SYNDIG1: variants seen among roughly 807,000 people sequenced by gnomAD.
SYNDIG1 encodes the protein synapse differentiation-inducing gene protein 1.
Under a neutral mutation model 19.4 loss-of-function variants are expected in SYNDIG1, and 9 were observed. That is an observed-to-expected ratio of 0.46 (90% CI 0.28 to 0.81). The LOEUF is 0.81. Among genes scored for constraint, SYNDIG1 ranks in the 30% least tolerant of loss-of-function variants. SYNDIG1 has a pLI of 0.12. For missense variants in SYNDIG1, 311 were observed against 343.3 expected (o/e 0.91, Z 0.74); for synonymous variants, 141 against 145.9 (o/e 0.97, Z 0.24).
intron 3 of SYNDIG1, among the ~76,000 whole-genome samples, chr20:24,653,075 T>C (rs909656251): frequency 6.6e-6 from 1 of 152,168 alleles, no homozygotes. Context: ...AAGGGATCAG[T>C]TTCTAGTGGC....
intron 1 of SYNDIG1, among the ~76,000 whole-genome samples, chr20:24,539,760 G>A (rs2057432714): frequency 8.9e-6 from 1 of 112,918 alleles, no homozygotes; most frequent in African/African-American, 3.7e-5. Context: ...TTTTTCAGCA[G>A]TGTTTTGTTT....
chr20:24,488,493 A>G (rs1458969011), intron 1 of SYNDIG1, among the ~76,000 whole-genome samples: 1 of 152,212 alleles, frequency 6.6e-6, no homozygotes, highest in Non-Finnish European at 1.5e-5. Context: ...CAAGCCCCAG[A>G]GTGGGGAGCA....
intron 1 of SYNDIG1, among the ~76,000 whole-genome samples, chr20:24,488,597 T>C (rs2056036869): frequency 6.6e-6 from 1 of 152,168 alleles, no homozygotes; most frequent in South Asian, 2.1e-4. Context: ...AGCCAGAGGG[T>C]GTGGACACCA....
chr20:24,485,955 T>A (rs1435365623), intron 1 of SYNDIG1, among the ~76,000 whole-genome samples: 1 of 152,216 alleles, frequency 6.6e-6, no homozygotes, highest in Non-Finnish European at 1.5e-5. Flanking sequence ...AAGCTTTGTC[T>A]CGTGGCCACC....
At chr20:24,481,912 G>A (rs549674045) in intron 1 of SYNDIG1, among the ~76,000 whole-genome samples, 6 of 152,136 alleles carry the variant, frequency 3.9e-5, no homozygotes, top group South Asian at 2.1e-4. Flanking sequence ...ACATCTTACC[G>A]TAATCCCAAG....
chr20:24,630,815 GA>G (rs1360580837), intron 3 of SYNDIG1, among the ~76,000 whole-genome samples: 1 of 152,244 alleles, frequency 6.6e-6, no homozygotes, highest in Non-Finnish European at 1.5e-5. Flanking sequence ...CTGAGTTATA[GA>G]ATGTCCCATC....
At chr20:24,486,365 A>G (rs2055957479) in intron 1 of SYNDIG1, among the ~76,000 whole-genome samples, 1 of 152,244 alleles carries the variant, frequency 6.6e-6, no homozygotes, top group African/African-American at 2.4e-5. Flanking sequence ...GCACAGGTCC[A>G]GAGTGGTTCT....
intron 3 of SYNDIG1, among the ~76,000 whole-genome samples, chr20:24,585,450 C>G (rs932102200): frequency 6.6e-6 from 1 of 152,106 alleles, no homozygotes; most frequent in African/African-American, 2.4e-5. Context: ...AAAATAGATT[C>G]CAGTTCCACA....
intron 3 of SYNDIG1, among the ~76,000 whole-genome samples, chr20:24,648,405 A>T (rs950399010): frequency 2.6e-5 from 4 of 152,224 alleles, no homozygotes; most frequent in Admixed American, 2.6e-4. Context: ...GTCCACTCTG[A>T]CTACTGAATC....
chr20:24,506,567 A>G (rs1052772406), intron 1 of SYNDIG1, among the ~76,000 whole-genome samples: 1 of 152,178 alleles, frequency 6.6e-6, no homozygotes, highest in African/African-American at 2.4e-5. Context: ...TTGAAGTCCT[A>G]TTAAGGTCCA....
chr20:24,662,875 C>T (rs1457676194), intron 3 of SYNDIG1, among the ~76,000 whole-genome samples: 1 of 152,232 alleles, frequency 6.6e-6, no homozygotes, highest in Non-Finnish European at 1.5e-5. Flanking sequence ...TTGCCTTCAG[C>T]TCAGAGACTC....
At chr20:24,535,771 G>C (rs1396991995) in intron 1 of SYNDIG1, among the ~76,000 whole-genome samples, 1 of 152,186 alleles carries the variant, frequency 6.6e-6, no homozygotes, top group East Asian at 1.9e-4. Flanking sequence ...GTAAAATGCT[G>C]TGGGTTTTGT....
chr20:24,565,334 C>T (rs1357639544), intron 2 of SYNDIG1, among the ~76,000 whole-genome samples: 1 of 152,212 alleles, frequency 6.6e-6, no homozygotes, highest in Non-Finnish European at 1.5e-5. Context: ...TTACATAAGA[C>T]ATGGCACACA....
chr20:24,540,867 G>A (rs1210462090), intron 1 of SYNDIG1, among the ~76,000 whole-genome samples: 1 of 152,120 alleles, frequency 6.6e-6, no homozygotes, highest in Non-Finnish European at 1.5e-5. Flanking sequence ...TTCCTATGGT[G>A]TCTTTTCTGG....
In SYNDIG1 at chr20:24,543,243, A is replaced by G. The variant is rs1357549076; in HGVS notation, c.146A>G (p.Gln49Arg). ...TCTGTTTACCCAGCGCCCCAGTACC[A>G]GAGCCACCGGGTGGGGGCCAGCACA... ...LVSVYPAPQY[Q>R]SHRVGASTVP... The change falls in exon 2 of 4, where the codon CAG (glutamine) becomes CGG (arginine). Residue 49 changes from glutamine (Q) to arginine (R), a missense_variant. Gln to Arg is a conservative substitution (Grantham distance 43). Transcript: ENST00000376862. The G allele has an allele frequency of 8.1e-6, 13 of 1,613,722 alleles. No homozygotes were observed. The highest frequency in any genetic ancestry group is 1.1e-5 in the Non-Finnish European group (13 of 1,180,030).
intron 3 of SYNDIG1, among the ~76,000 whole-genome samples, chr20:24,617,948 G>C (rs1263255732): frequency 8.9e-5 from 13 of 146,510 alleles, no homozygotes; most frequent in Admixed American, 2.0e-4. Context: ...GGGAGAGCCT[G>C]GGGAGGGGGA....
chr20:24,584,335 T>C (rs2058377444), intron 2 of SYNDIG1, among the ~76,000 whole-genome samples: 1 of 152,242 alleles, frequency 6.6e-6, no homozygotes, highest in African/African-American at 2.4e-5. Context: ...ACATCAGCCT[T>C]GCCTTGTCCT....
chr20:24,587,299 G>T (rs1355760803), intron 3 of SYNDIG1, among the ~76,000 whole-genome samples: 1 of 152,172 alleles, frequency 6.6e-6, no homozygotes, highest in East Asian at 1.9e-4. Context: ...ACAGAGAAGA[G>T]GTGCTAACAC....
chr20:24,497,564 G>T (rs2056334693), intron 1 of SYNDIG1, among the ~76,000 whole-genome samples: 1 of 152,220 alleles, frequency 6.6e-6, no homozygotes, highest in Non-Finnish European at 1.5e-5. Context: ...TTTCAGCGCA[G>T]TTGGGGTCTT....
Sources: allele counts gnomAD v4.1 joint callset (sites outside exome capture counted in the v4.1 genomes callset), GRCh38; gene constraint gnomAD v4.1.1; transcripts MANE v1.5; gene names NCBI Gene and HGNC (gene_info 2026-07-23, HGNC 2026-07-21).